SSBP2: variants seen among roughly 807,000 people sequenced by gnomAD.
The protein encoded by SSBP2 is single stranded DNA binding protein 2, also known as single-stranded DNA-binding protein 2.
SSBP2 carries 17 observed loss-of-function variants against 61.8 expected under a neutral mutation model. The observed-to-expected ratio is 0.28, with a 90% CI of 0.19 to 0.41. SSBP2 has a LOEUF of 0.41. SSBP2 is among the 10% of genes least tolerant of loss of function. SSBP2 has a pLI of 1.00. For missense variants in SSBP2, 310 were observed against 458.7 expected, an observed-to-expected ratio of 0.68 and a Z score of 2.96; for synonymous variants, 139 against 141.3, an observed-to-expected ratio of 0.98 and a Z score of 0.12.
intron 1 of SSBP2, among the ~76,000 whole-genome samples, chr5:81,728,342 C>T (rs1195521901): frequency 6.6e-6 from 1 of 152,168 alleles, no homozygotes; most frequent in East Asian, 1.9e-4. Flanking sequence ...AAAAGGGCAG[C>T]ATCTTTTTTT....
chr5:81,645,192 AG>A (rs1289406100), intron 2 of SSBP2, among the ~76,000 whole-genome samples: 1 of 152,260 alleles, frequency 6.6e-6, no homozygotes, highest in Non-Finnish European at 1.5e-5. Context: ...ATTTAAACCC[AG>A]GATGTCTGGC....
chr5:81,708,650 A>T (rs1291470478), intron 1 of SSBP2, among the ~76,000 whole-genome samples: 1 of 124,426 alleles, frequency 8.0e-6, no homozygotes, highest in Non-Finnish European at 1.7e-5. Context: ...ACAACCAGAA[A>T]ATTAATGTTT....
At chr5:81,551,296 T>G (rs1463962802) in intron 4 of SSBP2, among the ~76,000 whole-genome samples, 3 of 152,138 alleles carry the variant, frequency 2.0e-5, no homozygotes, top group South Asian at 2.1e-4. Context: ...CTTAAGTATA[T>G]GTATCTGCTT....
intron 4 of SSBP2, among the ~76,000 whole-genome samples, chr5:81,545,686 G>T (rs971564448): frequency 6.6e-6 from 1 of 152,152 alleles, no homozygotes; most frequent in Non-Finnish European, 1.5e-5. Flanking sequence ...TTTCAGGGGC[G>T]TAGCAGGTCA....
At chr5:81,428,805 A>G (rs1420192199) in intron 15 of SSBP2, 122 bp from the exon 16 acceptor site, 4 of 632,236 alleles carry the variant, frequency 6.3e-6, no homozygotes, top group Non-Finnish European at 1.1e-5. Flanking sequence ...TTTTAATCTT[A>G]GACTTCTACC....
At chr5:81,725,707 T>C (rs374055533) in intron 1 of SSBP2, among the ~76,000 whole-genome samples, 1 of 152,084 alleles carries the variant, frequency 6.6e-6, no homozygotes, top group African/African-American at 2.4e-5. Context: ...TCCAAATGGG[T>C]AGCGGTTTTT....
intron 1 of SSBP2, among the ~76,000 whole-genome samples, chr5:81,706,635 T>C (rs1754413888): frequency 6.6e-6 from 1 of 152,154 alleles, no homozygotes. Context: ...TAAAGTATGA[T>C]ACAAAAAGGA....
intron 1 of SSBP2, among the ~76,000 whole-genome samples, chr5:81,742,885 A>C (rs928766823): frequency 1.3e-5 from 2 of 152,184 alleles, no homozygotes; most frequent in African/African-American, 2.4e-5. Context: ...ATCTCAAAAA[A>C]ATAATAATAC....
chr5:81,684,829 G>A lies in SSBP2; in HGVS notation c.63-34490C>T, dbSNP rs1272831375. Among the ~76,000 whole-genome samples the A allele has an allele frequency of 2.0e-5, 3 of 152,110 alleles. No homozygotes were observed. In the East Asian group the frequency reaches 5.8e-4, roughly 29 times the overall value. ...TAATGCTGAATGAGTTAAGACTTGGGGGACTATTGAGGGGGATTATTGAGA... is the reference window on the plus strand; with the variant it reads ...TAATGCTGAATGAGTTAAGACTTGGAGGACTATTGAGGGGGATTATTGAGA... On this transcript the variant is annotated intron_variant, in intron 1 of 16. Transcript: ENST00000320672.
intron 4 of SSBP2, among the ~76,000 whole-genome samples, chr5:81,569,104 G>A (rs1773656422): frequency 6.6e-6 from 1 of 152,142 alleles, no homozygotes; most frequent in African/African-American, 2.4e-5. Flanking sequence ...GTCAGAAGGG[G>A]CAGGAAGTAT....
chr5:81,647,804 C>A (rs986802519), intron 2 of SSBP2, among the ~76,000 whole-genome samples: 1 of 152,086 alleles, frequency 6.6e-6, no homozygotes, highest in Non-Finnish European at 1.5e-5. Flanking sequence ...TTCATTTCCA[C>A]CAAACAGTCC....
At chr5:81,473,625 T>C in intron 8 of SSBP2, 75 bp downstream of exon 8, 2 of 1,275,870 alleles carry the variant, frequency 1.6e-6, no homozygotes, top group Non-Finnish European at 2.3e-6. Flanking sequence ...ACATTCTCTT[T>C]ACCCAGTCTA....
intron 4 of SSBP2, among the ~76,000 whole-genome samples, chr5:81,532,439 T>C (rs1439325169): frequency 2.7e-5 from 4 of 150,924 alleles, no homozygotes; most frequent in African/African-American, 9.7e-5. Flanking sequence ...CTAAAAACAA[T>C]AAAGACGTAT....
intron 4 of SSBP2, among the ~76,000 whole-genome samples, chr5:81,590,095 C>T (rs1464728457): frequency 1.3e-5 from 2 of 152,034 alleles, no homozygotes; most frequent in Non-Finnish European, 2.9e-5. Flanking sequence ...TTCCTTTCCC[C>T]ATCAATGAGT....
At chr5:81,472,033 C>T (rs1765281746) in intron 8 of SSBP2, among the ~76,000 whole-genome samples, 2 of 151,926 alleles carry the variant, frequency 1.3e-5, no homozygotes, top group Non-Finnish European at 2.9e-5. Context: ...CTGTTGGTAG[C>T]ACAACAAAAC....
intron 4 of SSBP2, among the ~76,000 whole-genome samples, chr5:81,576,995 A>G (rs564243880): frequency 9.2e-5 from 14 of 152,186 alleles, no homozygotes; most frequent in South Asian, 4.1e-4. Flanking sequence ...CCTTTAATTA[A>G]GTTCCAGGAA....
At chr5:81,599,837 C>CT (rs760126262) in intron 4 of SSBP2, among the ~76,000 whole-genome samples, 2 of 152,196 alleles carry the variant, frequency 1.3e-5, no homozygotes, top group Non-Finnish European at 2.9e-5. Context: ...TTCTGAACTC[C>CT]TTCTAAGCTC....
At chr5:81,542,830 T>TCTCTCTCTCTCA (rs1335879101) in intron 4 of SSBP2, among the ~76,000 whole-genome samples, 2 of 78,572 alleles carry the variant, frequency 2.5e-5, no homozygotes, top group African/African-American at 7.9e-5. Flanking sequence ...TCTCTCTCTC[T>TCTCTCTCTCTCA]CTCTCTCTCT....
At chr5:81,474,398 T>C in intron 7 of SSBP2, 98 bp downstream of exon 7, 2 of 1,018,168 alleles carry the variant, frequency 2.0e-6, no homozygotes, top group South Asian at 1.4e-5. Context: ...GGTATAACTA[T>C]AGGAGATTTA....
Sources: allele counts gnomAD v4.1 joint callset (sites outside exome capture counted in the v4.1 genomes callset), GRCh38; gene constraint gnomAD v4.1.1; transcripts MANE v1.5; gene names NCBI Gene and HGNC (gene_info 2026-07-23, HGNC 2026-07-21).